The following PDCD2L variants were observed in gnomAD, a reference collection of about 807,000 sequenced individuals.
PDCD2L encodes uS5 assembly chaperone PDCD2L.
PDCD2L carries 44 observed loss-of-function variants against 40.4 expected under a neutral mutation model. That is an observed-to-expected ratio of 1.09 (90% confidence interval 0.86 to 1.40). The LOEUF is 1.40. Ranked by LOEUF, PDCD2L falls within the 40% of genes most tolerant of loss-of-function variation. The probability of loss-of-function intolerance (pLI) is 0.00; values close to 1 mark genes in which losing one functional copy is unlikely to be tolerated. For missense variants in PDCD2L, 470 were observed against 453.7 expected, an observed-to-expected ratio of 1.04 and a Z score of -0.33; for synonymous variants, 194 against 174.6, an observed-to-expected ratio of 1.11 and a Z score of -0.88.
intron 6 of PDCD2L, 137 bp downstream of exon 6, chr19:34,421,804 T>A: frequency 8.5e-7 from 1 of 1,182,554 alleles, no homozygotes; most frequent in Non-Finnish European, 1.1e-6. Flanking sequence ...TTTTAAGAAA[T>A]TTAGGCCAGG....
chr19:34,409,558 AGC>A lies in PDCD2L; in HGVS notation c.686+49_686+50del, dbSNP rs1227949763. ...TTGAGAGGTGACTGGATTGGGAAGC[AGC>A]CACAAGAGTTACCCTTCAGTTTCAC... On this transcript the variant is annotated intron_variant, in intron 4 of 6. Transcript: ENST00000246535. The A allele has an allele frequency of 2.0e-6, 3 of 1,524,224 alleles. No homozygotes were observed. The South Asian group carries it at 3.5e-5, about 18-fold the overall frequency. 94.4% of individuals were successfully genotyped at this position (1,524,224 alleles called of 1,614,324 possible). A position where few individuals can be genotyped will look rare whatever the true frequency, so the allele number is the denominator to read the frequency against.
chr19:34,423,652 G>A (rs1424770279), intron 6 of PDCD2L, among the ~76,000 whole-genome samples: 5 of 151,346 alleles, frequency 3.3e-5, no homozygotes, highest in African/African-American at 4.9e-5. Context: ...CCACCACCAC[G>A]CCCTGCTAAT....
chr19:34,424,649 T>C (rs1245624977), intron 6 of PDCD2L, among the ~76,000 whole-genome samples: 1 of 152,096 alleles, frequency 6.6e-6, no homozygotes. Context: ...GTGTGTTTAC[T>C]GGAGTTGTAG....
At chr19:34,420,700 G>A (rs893108154) in intron 5 of PDCD2L, among the ~76,000 whole-genome samples, 7 of 151,762 alleles carry the variant, frequency 4.6e-5, no homozygotes, top group African/African-American at 1.7e-4. Flanking sequence ...GCTGAGGTAA[G>A]AGGATTGCTT....
At chr19:34,424,187 C>CT (rs2075165502) in intron 6 of PDCD2L, among the ~76,000 whole-genome samples, 1 of 152,052 alleles carries the variant, frequency 6.6e-6, no homozygotes. Context: ...ATTCTAGTCT[C>CT]TGAGATTTTT....
At chr19:34,423,336 C>T (rs2075161466) in intron 6 of PDCD2L, among the ~76,000 whole-genome samples, 2 of 151,152 alleles carry the variant, frequency 1.3e-5, no homozygotes, top group Non-Finnish European at 2.9e-5. Flanking sequence ...GTGCCCACCA[C>T]CACACCCAGC....
At chr19:34,407,704 TG>T (rs1246085435) in intron 3 of PDCD2L, among the ~76,000 whole-genome samples, 2 of 152,150 alleles carry the variant, frequency 1.3e-5, no homozygotes, top group Non-Finnish European at 2.9e-5. Context: ...TTTTCCTGTT[TG>T]GGAATATATA....
chr19:34,409,997 TTC>T (rs1180814967), intron 4 of PDCD2L, among the ~76,000 whole-genome samples: 2 of 152,206 alleles, frequency 1.3e-5, no homozygotes, highest in Non-Finnish European at 2.9e-5. Context: ...GATATCTCTG[TTC>T]TCTGTTTCAT....
chr19:34,406,884 G>GTGCAA (rs2075079014), intron 3 of PDCD2L, among the ~76,000 whole-genome samples: 1 of 137,828 alleles, frequency 7.3e-6, no homozygotes, highest in Non-Finnish European at 1.5e-5. Flanking sequence ...CCATGCTGGA[G>GTGCAA]TGCAATGGCA....
In PDCD2L at chr19:34,409,146, T is replaced by G. The variant is rs2075090149; in HGVS notation, c.337-15T>G. On this transcript the variant is annotated splice_polypyrimidine_tract_variant and intron_variant, in intron 3 of 6. Coordinates refer to ENST00000246535, the MANE Select transcript of PDCD2L (RefSeq NM_032346.2). ...CCAAATGTGCTCGGACCTCATTCAC[T>G]GAGTATTTTTCCAGAAACAGGGAAA... 2 of 1,603,502 alleles carry G rather than the reference T, an allele frequency of 1.2e-6. No homozygotes were observed. The highest frequency in any genetic ancestry group is 1.7e-6 in the Non-Finnish European group (2 of 1,171,804).
intron 5 of PDCD2L, among the ~76,000 whole-genome samples, chr19:34,420,249 C>A (rs1470788449): frequency 6.6e-6 from 1 of 151,888 alleles, no homozygotes; most frequent in Admixed American, 6.6e-5. Context: ...CCTCAGCCTC[C>A]CAAAGTGCTG....
chr19:34,416,751 A>G (rs2075127926), intron 5 of PDCD2L, among the ~76,000 whole-genome samples: 1 of 152,186 alleles, frequency 6.6e-6, no homozygotes, highest in Non-Finnish European at 1.5e-5. Context: ...CACCCAGGTA[A>G]TCATACTGTG....
intron 5 of PDCD2L, among the ~76,000 whole-genome samples, chr19:34,419,928 G>A (rs117860607): frequency 0.015 from 2,222 of 151,406 alleles, 25 homozygotes; most frequent in South Asian, 0.024. Flanking sequence ...GACCACAGGC[G>A]TGCACCACTA....
intron 5 of PDCD2L, among the ~76,000 whole-genome samples, chr19:34,419,658 T>C (rs528258814): frequency 4.6e-5 from 7 of 151,934 alleles, no homozygotes; most frequent in African/African-American, 1.7e-4. Flanking sequence ...TTGGTGGGGT[T>C]TTTTTGTTTT....
At chr19:34,411,974 A>ATATATG (rs2075105646) in intron 4 of PDCD2L, among the ~76,000 whole-genome samples, 1 of 145,896 alleles carries the variant, frequency 6.9e-6, no homozygotes, top group Admixed American at 6.9e-5. Context: ...ATATATATAT[A>ATATATG]TATATATATA....
chr19:34,425,615 C>T (rs955474982), intron 6 of PDCD2L, among the ~76,000 whole-genome samples: 8 of 152,150 alleles, frequency 5.3e-5, no homozygotes, highest in South Asian at 4.2e-4. Context: ...TGTCCTTCCC[C>T]GTCGGCCTCC....
chr19:34,405,116 A>G (rs1284996303), intron 3 of PDCD2L, 126 bp downstream of exon 3: 2 of 897,902 alleles, frequency 2.2e-6, no homozygotes, highest in Non-Finnish European at 3.3e-6. Flanking sequence ...GCTTTTCTGA[A>G]GAACCATAAA....
At chr19:34,413,891 A>G (rs150846055) in intron 5 of PDCD2L, 44 bp downstream of exon 5, 4 of 1,214,646 alleles carry the variant, frequency 3.3e-6, no homozygotes, top group Non-Finnish European at 3.6e-6. Context: ...CTTGATTATA[A>G]AGGAATACAT....
intron 5 of PDCD2L, among the ~76,000 whole-genome samples, chr19:34,419,145 GTTAA>G (rs2075137888): frequency 6.6e-6 from 1 of 151,806 alleles, no homozygotes; most frequent in Non-Finnish European, 1.5e-5. Context: ...GTATTGTTGG[GTTAA>G]TTGTTTTTTG....
Sources: gnomAD v4.1 joint callset for allele counts (sites outside exome capture counted in the v4.1 genomes callset) on GRCh38, gnomAD v4.1.1 for gene constraint, MANE v1.5 for transcripts, NCBI Gene and HGNC (gene_info 2026-07-23, HGNC 2026-07-21) for gene names.